The following ITGA2B variants were observed in gnomAD, a reference collection of about 807,000 sequenced individuals.
The protein encoded by ITGA2B is integrin subunit alpha 2b, also known as integrin alpha-IIb.
ITGA2B carries 91 observed loss-of-function variants against 142.0 expected under a neutral mutation model. The ratio of observed to expected loss-of-function variants is 0.64; its 90% confidence interval spans 0.54 to 0.76. The LOEUF (loss-of-function observed/expected upper bound fraction) is 0.76. ITGA2B is among the 30% of genes least tolerant of loss of function. The pLI is 0.00. For synonymous variants in ITGA2B, 536 were observed against 567.2 expected, an observed-to-expected ratio of 0.94 and a Z score of 0.78; for missense variants, 1,231 against 1,350.8, an observed-to-expected ratio of 0.91 and a Z score of 1.39.
At chr17:44,381,193 C>T in intron 12 of ITGA2B, 132 bp from the exon 13 acceptor site, 2 of 784,892 alleles carry the variant, frequency 2.5e-6, no homozygotes. Context: ...GTGAAGGAGG[C>T]ACTGCCCTAC....
chr17:44,387,826 C>CAAAAAAAAAAAAAAAAA (rs980395817), intron 1 of ITGA2B, among the ~76,000 whole-genome samples: 18 of 24,560 alleles, frequency 7.3e-4, no homozygotes, highest in Non-Finnish European at 1.1e-3. Flanking sequence ...AACCCCATCT[C>CAAAAAAAAAAAAAAAAA]AAAAAAAAAA....
Position 44,385,087 on chromosome 17 carries a change from AG to A in ITGA2B, c.671-12del. The A allele has an allele frequency of 1.9e-6, 3 of 1,613,944 alleles. No individual in the cohort carries two copies. Among genetic ancestry groups the A allele is most frequent in the Non-Finnish European group, 8.5e-7 (1 of 1,179,980 alleles). On this transcript the variant is annotated splice_polypyrimidine_tract_variant and intron_variant, in intron 6 of 29. Transcript: ENST00000262407. The stretch of plus-strand genomic sequence containing the variant: ...CCTGGGCCAGGAGACCTAGGGCGGG[AG>A]GGACAGCGGGTGTGAAGCCCAAAGC...
At chr17:44,375,261 G>A (rs1260176094) in intron 26 of ITGA2B, 150 bp from the exon 27 acceptor site, 4 of 716,506 alleles carry the variant, frequency 5.6e-6, no homozygotes, top group Non-Finnish European at 9.8e-6. Flanking sequence ...TCCAAGCTTC[G>A]GATGCTGTCT....
chr17:44,384,778 A>C (rs2048629065), intron 7 of ITGA2B, among the ~76,000 whole-genome samples, 170 bp downstream of exon 7: 1 of 151,960 alleles, frequency 6.6e-6, no homozygotes, highest in Non-Finnish European at 1.5e-5. Context: ...CGGTGGGCGC[A>C]TGGGAGGTGG....
chr17:44,379,903 G>A (rs949341573), intron 17 of ITGA2B, 89 bp from the exon 18 acceptor site: 16 of 1,612,072 alleles, frequency 9.9e-6, no homozygotes, highest in Non-Finnish European at 1.1e-5. Flanking sequence ...GACCACCCCC[G>A]GACTCACAGC....
intron 6 of ITGA2B, 32 bp downstream of exon 6, chr17:44,385,132 G>A (rs2048633112): frequency 6.2e-7 from 1 of 1,614,128 alleles, no homozygotes; most frequent in African/African-American, 1.3e-5. Flanking sequence ...TGGGCCGCGA[G>A]AAGGGAGGGA....
chr17:44,374,881 C>A, intron 27 of ITGA2B, 117 bp downstream of exon 27: 6 of 1,265,526 alleles, frequency 4.7e-6, no homozygotes, highest in Non-Finnish European at 6.7e-6. Context: ...TGCAATCCCC[C>A]AAAGTAAACC....
At chr17:44,379,594 G>A in intron 18 of ITGA2B, 95 bp downstream of exon 18, 1 of 1,587,320 alleles carries the variant, frequency 6.3e-7, no homozygotes, top group African/African-American at 1.3e-5. Context: ...TGACATCAAG[G>A]TTTTGGGGTT....
intron 12 of ITGA2B, among the ~76,000 whole-genome samples, chr17:44,382,875 C>T (rs1377251717): frequency 6.6e-6 from 1 of 152,068 alleles, no homozygotes; most frequent in Admixed American, 6.6e-5. Context: ...TCAGACTTAC[C>T]TCCTGTAGGA....
intron 12 of ITGA2B, among the ~76,000 whole-genome samples, chr17:44,382,605 C>T (rs1341718292): frequency 3.3e-5 from 5 of 151,994 alleles, no homozygotes; most frequent in African/African-American, 1.2e-4. Flanking sequence ...CTCCACTTCC[C>T]GGGTTCAAGA....
chr17:44,379,340 T>G (rs1181323682), intron 18 of ITGA2B, among the ~76,000 whole-genome samples: 2 of 150,772 alleles, frequency 1.3e-5, no homozygotes, highest in Non-Finnish European at 2.9e-5. Context: ...AACCTCTGCC[T>G]CCTGGGTTCA....
intron 1 of ITGA2B, among the ~76,000 whole-genome samples, chr17:44,387,838 A>C (rs2048663677): frequency 6.6e-6 from 1 of 150,446 alleles, no homozygotes; most frequent in African/African-American, 2.4e-5. Flanking sequence ...AAAAAAAAAA[A>C]AAAAAAAAAA....
At position 44,384,307 on chromosome 17, in the gene ITGA2B, T is replaced by C; in HGVS notation, c.891+4A>G. ...TCGGGAGGCCCAGTGGTGGGGGCACTTACCGCTCCCAGGGTCCAGCTCCAA... is the reference window on the plus strand; with the variant it reads ...TCGGGAGGCCCAGTGGTGGGGGCACCTACCGCTCCCAGGGTCCAGCTCCAA... On this transcript the variant is annotated splice_donor_region_variant and intron_variant, in intron 9 of 29. Transcript: ENST00000262407. The C allele has an allele frequency of 6.2e-7, 1 of 1,613,150 alleles. No homozygotes were observed. Among genetic ancestry groups the C allele is most frequent in the African/African-American group, 1.3e-5 (1 of 74,974 alleles).
chr17:44,375,725 G>T lies in ITGA2B; in HGVS notation c.2602-9C>A. 1 of 1,570,758 alleles carries T rather than the reference G, an allele frequency of 6.4e-7. No homozygotes were observed. Among genetic ancestry groups the T allele is most frequent in the Non-Finnish European group, 8.6e-7 (1 of 1,157,720 alleles). ...GGCAGCCCCCAGTCCACCTGGGGGG[G>T]CAAAGGAGTGGTCAGGCCCAGGTCT... On this transcript the variant is annotated splice_polypyrimidine_tract_variant and intron_variant, in intron 25 of 29. Coordinates refer to ENST00000262407, the MANE Select transcript of ITGA2B (RefSeq NM_000419.5).
intron 29 of ITGA2B, 187 bp downstream of exon 29, chr17:44,374,167 A>G (rs2048518934): frequency 1.5e-6 from 1 of 657,484 alleles, no homozygotes; most frequent in Non-Finnish European, 2.8e-6. Flanking sequence ...TGGCCTCCCA[A>G]AGTGCTGGGA....
intron 22 of ITGA2B, 21 bp downstream of exon 22, chr17:44,376,988 G>A (rs770690621): frequency 1.3e-6 from 2 of 1,561,062 alleles, no homozygotes; most frequent in Non-Finnish European, 1.7e-6. Flanking sequence ...TGGTGGGTAG[G>A]CACGCTCGCC....
intron 12 of ITGA2B, among the ~76,000 whole-genome samples, chr17:44,383,171 ACCTCTCC>A (rs1287914468): frequency 1.3e-5 from 2 of 151,234 alleles, no homozygotes; most frequent in Non-Finnish European, 3.0e-5. Context: ...CCCAACTCCA[ACCTCTCC>A]CCTGGCCCCA....
At chr17:44,383,321 C>G (rs2048612305) in intron 12 of ITGA2B, among the ~76,000 whole-genome samples, 172 bp downstream of exon 12, 3 of 152,176 alleles carry the variant, frequency 2.0e-5, no homozygotes, top group Admixed American at 2.0e-4. Flanking sequence ...CAAACACTTC[C>G]TAATTAGTCT....
In ITGA2B at chr17:44,379,769, G is replaced by A. The variant is rs957436010; in HGVS notation, c.1798C>T (p.Leu600Phe). The A allele has an allele frequency of 5.6e-6, 9 of 1,613,736 alleles. No individual in the cohort carries two copies. The highest frequency in any genetic ancestry group is 1.6e-4 in the Middle Eastern group (1 of 6,084). Residue 600 changes from leucine to phenylalanine, a missense_variant, in exon 18 of 30, where the codon CTC becomes TTC. Physicochemically the swap from Leu to Phe is conservative, Grantham distance 22 (BLOSUM62 0). This residue lies in a region of ITGA2B where 908 missense variants were observed against 1,021.1 expected (regional missense o/e 0.89). Coordinates refer to ENST00000262407, the MANE Select transcript of ITGA2B (RefSeq NM_000419.5). The stretch of plus-strand genomic sequence containing the variant: ...TCCGTGGGCGGTAGGGACACATTGA[G>A]GCTGAGCACAATGGGGCTCAGCTTG... ...RDKLSPIVLS[L>F]NVSLPPTEAG... is the part of the protein sequence containing the mutation.
Sources: allele counts gnomAD v4.1 joint callset (sites outside exome capture counted in the v4.1 genomes callset), GRCh38; gene constraint gnomAD v4.1.1; regional missense constraint gnomAD v4.1.1; transcripts MANE v1.5; gene names NCBI Gene and HGNC (gene_info 2026-07-23, HGNC 2026-07-21).